The following DLGAP2 variants were observed in gnomAD, a reference collection of about 807,000 sequenced individuals.
The protein encoded by DLGAP2 is DLG associated protein 2, also known as disks large-associated protein 2.
A neutral mutation model predicts 100.3 loss-of-function variants in DLGAP2; 26 were observed. The observed-to-expected ratio is 0.26, with a 90% confidence interval of 0.19 to 0.36. DLGAP2 has a LOEUF of 0.36. Among genes scored for constraint, DLGAP2 ranks in the 10% least tolerant of loss-of-function variants. The pLI is 1.00. For synonymous variants in DLGAP2, 886 were observed against 630.1 expected, an observed-to-expected ratio of 1.41 and a Z score of -6.08; for missense variants, 1,858 against 1,453.2, an observed-to-expected ratio of 1.28 and a Z score of -4.53.
At chr8:1,189,097 G>A (rs1249836785) in intron 2 of DLGAP2, among the ~76,000 whole-genome samples, 1 of 146,850 alleles carries the variant, frequency 6.8e-6, no homozygotes, top group Non-Finnish European at 1.5e-5. Context: ...CGCGGTTGGG[G>A]TTGACCTTAC....
intron 4 of DLGAP2, among the ~76,000 whole-genome samples, chr8:1,523,734 G>A (rs58689747): frequency 0.013 from 2,022 of 152,276 alleles, 50 homozygotes; most frequent in African/African-American, 0.047. Context: ...TAGAGATCCC[G>A]CAGTGTCTGT....
intron 3 of DLGAP2, among the ~76,000 whole-genome samples, chr8:1,367,379 TC>T (rs1262607225): frequency 1.2e-4 from 18 of 152,334 alleles, no homozygotes; most frequent in African/African-American, 3.8e-4. Context: ...CTTGTTCCTG[TC>T]TCTCTGGGAA....
intron 3 of DLGAP2, among the ~76,000 whole-genome samples, chr8:1,430,474 A>C (rs1797393290): frequency 6.6e-6 from 1 of 152,180 alleles, no homozygotes; most frequent in South Asian, 2.1e-4. Context: ...CTGGTCTTCT[A>C]GCAGAAGAAG....
intron 2 of DLGAP2, among the ~76,000 whole-genome samples, chr8:1,166,748 A>G (rs1022139468): frequency 1.3e-5 from 2 of 152,190 alleles, no homozygotes; most frequent in Non-Finnish European, 2.9e-5. Context: ...AATAAATTAT[A>G]CAATTATTAT....
chr8:902,001 G>A (rs894483184), intron 1 of DLGAP2, among the ~76,000 whole-genome samples: 12 of 152,200 alleles, frequency 7.9e-5, no homozygotes, highest in Non-Finnish European at 1.8e-4. Context: ...CACCTGTGAG[G>A]TTCTGTGGTC....
At chr8:1,590,419 C>G (rs116067810) in intron 6 of DLGAP2, among the ~76,000 whole-genome samples, 1 of 152,168 alleles carries the variant, frequency 6.6e-6, no homozygotes, top group South Asian at 2.1e-4. Flanking sequence ...TGGCTTTTCT[C>G]TTCCGGAATG....
chr8:1,356,654 C>T (rs150931299), intron 3 of DLGAP2, among the ~76,000 whole-genome samples: 162 of 152,252 alleles, frequency 1.1e-3, no homozygotes, highest in African/African-American at 3.4e-3. Context: ...ATGGTGAAAC[C>T]GTGACGGTTG....
intron 3 of DLGAP2, among the ~76,000 whole-genome samples, chr8:1,470,563 A>G (rs190914133): frequency 6.6e-6 from 1 of 152,160 alleles, no homozygotes; most frequent in African/African-American, 2.4e-5. Flanking sequence ...TTGGAATCCT[A>G]TTCTATTCTC....
At chr8:812,386 C>G (rs1279989595) in intron 1 of DLGAP2, among the ~76,000 whole-genome samples, 1 of 152,184 alleles carries the variant, frequency 6.6e-6, no homozygotes. Context: ...GTCCCTGCCT[C>G]CCAGCCTCTT....
chr8:1,549,814 A>C (rs1027229886), intron 5 of DLGAP2, 131 bp downstream of exon 5: 1 of 1,068,816 alleles, frequency 9.4e-7, no homozygotes. Flanking sequence ...TGAGCTACGG[A>C]TATGTTCTGG....
At chr8:1,495,876 C>T (rs961262320) in intron 3 of DLGAP2, among the ~76,000 whole-genome samples, 6 of 152,196 alleles carry the variant, frequency 3.9e-5, no homozygotes, top group Non-Finnish European at 7.4e-5. Context: ...GCAAAGCACA[C>T]GACAGCCCCT....
intron 2 of DLGAP2, among the ~76,000 whole-genome samples, chr8:1,148,844 A>G (rs376491789): frequency 3.2e-4 from 48 of 152,310 alleles, no homozygotes; most frequent in East Asian, 1.9e-3. Context: ...AGGTTCCTGC[A>G]TATGGCCAAT....
intron 2 of DLGAP2, among the ~76,000 whole-genome samples, chr8:989,304 C>T (rs1352041574): frequency 6.6e-6 from 1 of 152,192 alleles, no homozygotes; most frequent in Admixed American, 6.5e-5. Context: ...TCCTCTCCAT[C>T]AGTGGACGGC....
At chr8:1,546,621 A>G (rs1362216023) in intron 4 of DLGAP2, among the ~76,000 whole-genome samples, 6 of 151,962 alleles carry the variant, frequency 3.9e-5, no homozygotes, top group Non-Finnish European at 8.8e-5. Flanking sequence ...GGTTACCTGG[A>G]GGGTTGGGGT....
intron 2 of DLGAP2, among the ~76,000 whole-genome samples, chr8:1,041,075 A>C (rs1390353326): frequency 1.3e-5 from 2 of 152,212 alleles, no homozygotes; most frequent in Non-Finnish European, 2.9e-5. Flanking sequence ...GAAATGGTGC[A>C]GACTGCTCTC....
At chr8:1,144,945 T>C (rs1375156456) in intron 2 of DLGAP2, among the ~76,000 whole-genome samples, 1 of 150,598 alleles carries the variant, frequency 6.6e-6, no homozygotes. Flanking sequence ...AGACGGCCTG[T>C]ACCCACAGTC....
chr8:1,470,342 A>G (rs1471544184), intron 3 of DLGAP2, among the ~76,000 whole-genome samples: 5 of 152,160 alleles, frequency 3.3e-5, no homozygotes, highest in South Asian at 2.1e-4. Flanking sequence ...GGTGCCACCA[A>G]GTGAGCCCCG....
At chr8:1,070,869 C>T (rs752394334) in intron 2 of DLGAP2, among the ~76,000 whole-genome samples, 17 of 152,196 alleles carry the variant, frequency 1.1e-4, no homozygotes, top group Non-Finnish European at 2.2e-4. Context: ...CCCTCACTCT[C>T]CAGACCCCAC....
At chr8:1,036,108 G>A (rs1287375134) in intron 2 of DLGAP2, among the ~76,000 whole-genome samples, 1 of 145,556 alleles carries the variant, frequency 6.9e-6, no homozygotes, top group Admixed American at 6.8e-5. Context: ...GCGTGTCACC[G>A]CGAGTGGATT....
Sources: allele counts gnomAD v4.1 joint callset (sites outside exome capture counted in the v4.1 genomes callset), GRCh38; gene constraint gnomAD v4.1.1; transcripts MANE v1.5; gene names NCBI Gene and HGNC (gene_info 2026-07-23, HGNC 2026-07-21).